Variants in ZNF430 observed in about 807,000 individuals in gnomAD.
ZNF430 encodes the protein zinc finger protein 430.
In ZNF430, 35 loss-of-function variants were observed where a neutral mutation model predicts 56.7. That is an observed-to-expected ratio of 0.62 (90% CI 0.47 to 0.82). The LOEUF (loss-of-function observed/expected upper bound fraction) is 0.82, where lower values mean the gene tolerates loss of function less well. ZNF430 is among the 40% of genes least tolerant of loss of function. The pLI is 0.00. For missense variants in ZNF430, 574 were observed against 661.0 expected (o/e 0.87, Z 1.44); for synonymous variants, 212 against 224.3 (o/e 0.94, Z 0.49).
At chr19:21,039,378 A>T (rs910070423) in intron 4 of ZNF430, among the ~76,000 whole-genome samples, 1 of 147,104 alleles carries the variant, frequency 6.8e-6, no homozygotes, top group Non-Finnish European at 1.5e-5. Flanking sequence ...TATAGCCGTG[A>T]GCCACTACAC....
At chr19:21,034,352 T>C (rs1036339384) in intron 4 of ZNF430, 168 bp downstream of exon 4, 6 of 486,160 alleles carry the variant, frequency 1.2e-5, no homozygotes, top group African/African-American at 1.2e-4. Context: ...TTCTGTCTTA[T>C]GCTTTTAAAT....
intron 4 of ZNF430, 192 bp downstream of exon 4, chr19:21,034,376 C>T (rs910381328): frequency 1.3e-5 from 6 of 447,348 alleles, no homozygotes; most frequent in Admixed American, 7.4e-5. Context: ...AGGATTCTTT[C>T]CCCTTGGTGA....
rs955666678 is a variant in ZNF430 at position 21,048,835 on chromosome 19, G to A, written c.323-7796G>A. On this transcript the variant is annotated intron_variant, in intron 4 of 4. Transcript: ENST00000261560. The stretch of plus-strand genomic sequence containing the variant: ...GCTGGCCCCAACCTCCCTCCTGGAC[G>A]GGGTGGCTGGCCGGGCAGGGGCTGC... 3.3e-5 allele frequency among the ~76,000 whole-genome samples: 5 copies of A among 151,876 alleles called. No individual in the cohort carries two copies. The East Asian group carries it at 5.8e-4, about 18-fold the overall frequency.
In ZNF430 at chr19:21,057,276, G is replaced by A. The variant is rs1224488575; in HGVS notation, c.968G>A (p.Gly323Asp). 6.2e-7 allele frequency: 1 copy of A among 1,613,180 alleles called. No individual in the cohort carries two copies. The highest frequency in any genetic ancestry group is 2.2e-5 in the East Asian group (1 of 44,846). The change falls in exon 5 of 5, where the codon GGC becomes GAC. Residue 323 changes from glycine to aspartate, a missense_variant. By Grantham distance (94) the Gly-to-Asp change is moderately conservative (BLOSUM62 -1). Coordinates refer to ENST00000261560, the MANE Select transcript of ZNF430 (RefSeq NM_025189.4). Reference sequence around the variant, plus strand: ...AAACCCTACAGATGTGAAGAATGTGGCAGAGCTTTTAACCGGTCCTCACAC... The same window carrying A: ...AAACCCTACAGATGTGAAGAATGTGACAGAGCTTTTAACCGGTCCTCACAC... ...GEKPYRCEEC[G>D]RAFNRSSHLT...
chr19:21,034,156 G>C lies in ZNF430; in HGVS notation c.294G>C (p.Lys98Asn). The C allele has an allele frequency of 6.2e-7, 1 of 1,613,198 alleles. No homozygotes were observed. Among genetic ancestry groups the C allele is most frequent in the Non-Finnish European group, 8.5e-7 (1 of 1,179,566 alleles). Residue 98 changes from lysine to asparagine, a missense_variant, in exon 4 of 5, where the codon AAG (lysine) becomes AAC (asparagine). Transcript: ENST00000261560. ...AAGGAAAAGAGCCCTGGAATATGAA[G>C]AGACATGCGATGGTAGATCAACCCC... ...LEQGKEPWNM[K>N]RHAMVDQPPV...
Position 21,056,841 on chromosome 19 carries a change from A to C in ZNF430, c.533A>C (p.Gln178Pro), listed in dbSNP as rs1465399497. 2 of 1,612,052 alleles carry C rather than the reference A, an allele frequency of 1.2e-6. No homozygotes were observed. The highest frequency in any genetic ancestry group is 4.5e-5 in the East Asian group (2 of 44,840). ...ACAACTACCCAGAGTGAAATATTTC[A>C]ATATGATAAATATGTGAATGTCTTT... ...CLTTTQSEIF[Q>P]YDKYVNVFYK... Residue 178 changes from glutamine to proline, a missense_variant, in exon 5 of 5, where the codon CAA becomes CCA. By Grantham distance (76) the Gln-to-Pro change is moderately conservative. Around this residue, in one of 3 missense-constraint regions of ZNF430, gnomAD observed 346 missense variants for 399.1 expected, o/e 0.87. Transcript: ENST00000261560.
Position 21,056,934 on chromosome 19 carries a change from A to C in ZNF430, c.626A>C (p.Lys209Thr). 6.2e-7 allele frequency: 1 copy of C among 1,613,508 alleles called. No individual in the cohort carries two copies. Among genetic ancestry groups the C allele is most frequent in the Non-Finnish European group, 8.5e-7 (1 of 1,179,726 alleles). ...GGAAAGAAGCCTTTCAAATGTAAAA[A>C]ATGTGACAAATCGTTTTGCATGCTT... ...HTGKKPFKCKKCDKSFCMLLH... is the reference protein window; with the variant it reads ...HTGKKPFKCKTCDKSFCMLLH... Residue 209 changes from lysine (K) to threonine (T), a missense_variant, in exon 5 of 5, where the codon AAA (lysine) becomes ACA (threonine). Around this residue, in one of 3 missense-constraint regions of ZNF430, gnomAD observed 346 missense variants for 399.1 expected, o/e 0.87. Coordinates refer to ENST00000261560, the MANE Select transcript of ZNF430 (RefSeq NM_025189.4).
chr19:21,030,225 C>T (rs1158809446), intron 2 of ZNF430, among the ~76,000 whole-genome samples: 1 of 152,114 alleles, frequency 6.6e-6, no homozygotes, highest in Non-Finnish European at 1.5e-5. Context: ...CTCTAAACTA[C>T]ATTAAACTTT....
At position 21,022,754 on chromosome 19, in the gene ZNF430, G is replaced by GC. The variant is rs1967719264; in HGVS notation, c.4-35_4-34insC. 5 of 1,385,144 alleles carry GC rather than the reference G, an allele frequency of 3.6e-6. No individual in the cohort carries two copies. In the Admixed American group the frequency reaches 6.7e-5, roughly 19 times the overall value. 85.8% of individuals were successfully genotyped at this position (1,385,144 alleles called of 1,614,324 possible). A position where few individuals can be genotyped will look rare whatever the true frequency, so the allele number is the denominator to read the frequency against. Reference sequence around the variant, plus strand: ...ATGGTTATGTCAGTTAGAGTGTCTAGTGGATATCAGCTTCTGGGTTATTTT... The same window carrying GC: ...ATGGTTATGTCAGTTAGAGTGTCTAGCTGGATATCAGCTTCTGGGTTATTTT... On this transcript the variant is annotated intron_variant, in intron 1 of 4. Transcript: ENST00000261560.
intron 2 of ZNF430, among the ~76,000 whole-genome samples, chr19:21,031,910 TC>T (rs1398698485): frequency 3.9e-5 from 6 of 152,342 alleles, no homozygotes; most frequent in African/African-American, 1.4e-4. Context: ...TTCAAGGCTG[TC>T]TGCAAAACAT....
rs747467490 is a variant in ZNF430 at position 21,057,480 on chromosome 19, A to G, written c.1172A>G (p.His391Arg). 1.2e-6 allele frequency: 2 copies of G among 1,613,832 alleles called. No individual in the cohort carries two copies. Among genetic ancestry groups the G allele is most frequent in the Non-Finnish European group, 1.7e-6 (2 of 1,179,962 alleles). ...TACCGATTCTCATACCTTACTAAAC[A>G]TAAGATAATTCATACTGGAGAGAAA... Reference protein sequence around the residue: ...AFYRFSYLTKHKIIHTGEKFY... With the variant: ...AFYRFSYLTKRKIIHTGEKFY... The change falls in exon 5 of 5, where the codon CAT (histidine) becomes CGT (arginine). Residue 391 changes from histidine to arginine, a missense_variant. By Grantham distance (29) the His-to-Arg change is conservative. This residue lies in a region of ZNF430 where 213 missense variants were observed against 221.0 expected (regional missense o/e 0.96). Transcript: ENST00000261560.
chr19:21,022,542 T>C (rs939819170), intron 1 of ZNF430, among the ~76,000 whole-genome samples: 1 of 152,132 alleles, frequency 6.6e-6, no homozygotes, highest in Non-Finnish European at 1.5e-5. Context: ...CCTGACACTG[T>C]GTTGTAAAAA....
At chr19:21,047,983 GT>G (rs1321338316) in intron 4 of ZNF430, among the ~76,000 whole-genome samples, 2 of 151,926 alleles carry the variant, frequency 1.3e-5, no homozygotes, top group Admixed American at 1.3e-4. Flanking sequence ...CATTGTTCCT[GT>G]TTTATGTATT....
In ZNF430 at chr19:21,021,493, C is replaced by A. The variant is rs372324496; in HGVS notation, c.3+690C>A. On this transcript the variant is annotated intron_variant, in intron 1 of 4. Coordinates refer to ENST00000261560, the MANE Select transcript of ZNF430 (RefSeq NM_025189.4). ...CAGCCTGTGTAACAGAGCAAGACTC[C>A]GTCTCGGAAAAAAAAAATGTACAGA... Among the ~76,000 whole-genome samples the A allele has an allele frequency of 9.9e-5, 15 of 151,376 alleles. No individual in the cohort carries two copies. In the East Asian group the frequency reaches 2.7e-3, roughly 27 times the overall value.
At chr19:21,055,434 GTTTT>G (rs1046406965) in intron 4 of ZNF430, among the ~76,000 whole-genome samples, 6 of 142,910 alleles carry the variant, frequency 4.2e-5, no homozygotes, top group African/African-American at 7.7e-5. Context: ...TCTTTTTTTA[GTTTT>G]TTTTTTTGTT....
chr19:21,050,602 TTG>T (rs141576246), intron 4 of ZNF430, among the ~76,000 whole-genome samples: 3,783 of 152,358 alleles, frequency 0.025, 74 homozygotes, highest in Non-Finnish European at 0.035. Flanking sequence ...TATATTATTT[TTG>T]TGTGGAAGAA....
chr19:21,021,823 A>ATTTTTTTTTTTTTT lies in ZNF430; in HGVS notation c.4-949_4-936dup, dbSNP rs71174785. ...TTTCAAAACGATGCGCCTGAGTTAGATTTTTTTTTTTTTTTTTTTTTTTTT... is the reference window on the plus strand; with the variant it reads ...TTTCAAAACGATGCGCCTGAGTTAGATTTTTTTTTTTTTTTTTTTTTTTTTTTTTTTTTTTTTTT... On this transcript the variant is annotated intron_variant, in intron 1 of 4. Coordinates refer to ENST00000261560, the MANE Select transcript of ZNF430 (RefSeq NM_025189.4). Among the ~76,000 whole-genome samples, 61 of 85,704 alleles carry ATTTTTTTTTTTTTT rather than the reference A, an allele frequency of 7.1e-4. 6 individuals are homozygous for ATTTTTTTTTTTTTT. The highest frequency in any genetic ancestry group is 3.1e-3 in the African/African-American group (58 of 18,810). 56.2% of individuals were successfully genotyped at this position (85,704 alleles called of 152,430 possible).
At chr19:21,052,475 C>T (rs1430617890) in intron 4 of ZNF430, among the ~76,000 whole-genome samples, 3 of 151,952 alleles carry the variant, frequency 2.0e-5, no homozygotes, top group Non-Finnish European at 4.4e-5. Flanking sequence ...TCAATATTTG[C>T]TTTATATGTT....
At chr19:21,054,669 CTTTTTT>C (rs55772412) in intron 4 of ZNF430, among the ~76,000 whole-genome samples, 4 of 65,582 alleles carry the variant, frequency 6.1e-5, no homozygotes, top group African/African-American at 1.9e-4. Context: ...ATTTTTACGT[CTTTTTT>C]TTTTTTTTTT....
Sources: allele counts gnomAD v4.1 joint callset (sites outside exome capture counted in the v4.1 genomes callset), GRCh38; gene constraint gnomAD v4.1.1; regional missense constraint gnomAD v4.1.1; transcripts MANE v1.5; gene names NCBI Gene and HGNC (gene_info 2026-07-23, HGNC 2026-07-21).